TSHR: variants seen among roughly 807,000 people sequenced by gnomAD.
TSHR encodes thyroid stimulating hormone receptor.
Under a neutral mutation model 64.1 loss-of-function variants are expected in TSHR, and 51 were observed. The ratio of observed to expected loss-of-function variants is 0.80; its 90% CI spans 0.64 to 1.01. The LOEUF (loss-of-function observed/expected upper bound fraction) is 1.01, where lower values mean the gene tolerates loss of function less well. Among genes scored for constraint, TSHR ranks in the 50% least tolerant of loss-of-function variants. The pLI, the probability that TSHR is intolerant of heterozygous loss-of-function variation, is 0.00. For missense variants in TSHR, 877 were observed against 942.8 expected, an observed-to-expected ratio of 0.93 and a Z score of 0.91; for synonymous variants, 361 against 361.9, an observed-to-expected ratio of 1.00 and a Z score of 0.03.
intron 1 of TSHR, among the ~76,000 whole-genome samples, chr14:80,990,502 G>A (rs1830233287): frequency 1.3e-5 from 2 of 152,196 alleles, no homozygotes; most frequent in Admixed American, 6.5e-5. Flanking sequence ...GAGTGGAAGA[G>A]GATGCAAATA....
At chr14:81,067,483 T>TTTTATATATATATATA (rs1555376189) in intron 2 of TSHR, among the ~76,000 whole-genome samples, 9 of 134,976 alleles carry the variant, frequency 6.7e-5, no homozygotes, top group African/African-American at 2.6e-4. Context: ...GTTTATAGTT[T>TTTTATATATATATATA]TATATATATA....
intron 1 of TSHR, among the ~76,000 whole-genome samples, chr14:81,034,139 C>T (rs1434839754): frequency 6.6e-6 from 1 of 152,160 alleles, no homozygotes; most frequent in Admixed American, 6.5e-5. Flanking sequence ...GACCTGCTGC[C>T]TTATACTTTA....
chr14:81,084,346 C>T (rs1888127685), intron 3 of TSHR, among the ~76,000 whole-genome samples: 1 of 150,406 alleles, frequency 6.6e-6, no homozygotes, highest in African/African-American at 2.5e-5. Context: ...TTTTTGCATC[C>T]TCTTTATTAC....
intron 1 of TSHR, chr14:80,982,033 A>G (rs1566747492): frequency 9.5e-6 from 4 of 422,140 alleles, no homozygotes; most frequent in East Asian, 9.9e-5. Flanking sequence ...CAAAGCGGAA[A>G]AGAGTCTGCT....
chr14:80,986,738 T>C (rs1419162269), intron 1 of TSHR, among the ~76,000 whole-genome samples: 1 of 152,214 alleles, frequency 6.6e-6, no homozygotes, highest in Non-Finnish European at 1.5e-5. Context: ...CTGCCCGCCT[T>C]GGCGTCCCAA....
intron 1 of TSHR, chr14:80,982,782 C>T: frequency 3.5e-6 from 2 of 578,354 alleles, no homozygotes; most frequent in Non-Finnish European, 3.0e-6. Context: ...CAACAGCCTG[C>T]CCTTGTAGGA....
At chr14:81,108,907 G>C in intron 8 of TSHR, 1 of 1,413,746 alleles carries the variant, frequency 7.1e-7, no homozygotes, top group Non-Finnish European at 9.2e-7. Context: ...ACAATCATGG[G>C]GAAAGATGGA....
intron 7 of TSHR, among the ~76,000 whole-genome samples, chr14:81,106,694 C>T (rs1889914871): frequency 6.6e-6 from 1 of 152,024 alleles, no homozygotes; most frequent in Admixed American, 6.6e-5. Flanking sequence ...CCTGTAATCC[C>T]AGCACTTTGG....
At chr14:81,133,889 C>T (rs1891348243) in intron 8 of TSHR, among the ~76,000 whole-genome samples, 1 of 152,256 alleles carries the variant, frequency 6.6e-6, no homozygotes, top group East Asian at 1.9e-4. Context: ...CATTTCATCC[C>T]TATCACTATA....
chr14:81,139,577 C>G (rs1400804172), intron 8 of TSHR, 102 bp from the exon 9 acceptor site: 2 of 1,192,524 alleles, frequency 1.7e-6, no homozygotes, highest in Admixed American at 3.5e-5. Flanking sequence ...AGGAGCATAT[C>G]ATCTCCCAAT....
At chr14:81,067,262 G>A (rs761907785) in intron 2 of TSHR, among the ~76,000 whole-genome samples, 4 of 151,686 alleles carry the variant, frequency 2.6e-5, no homozygotes, top group African/African-American at 4.8e-5. Context: ...CTTTTCTGAT[G>A]CTCATGTTTT....
intron 1 of TSHR, chr14:80,982,866 G>T: frequency 2.0e-6 from 1 of 506,456 alleles, no homozygotes. Context: ...CCATAGATGA[G>T]ATTAGACACC....
intron 9 of TSHR, 69 bp downstream of exon 9, chr14:81,139,936 G>A: frequency 6.3e-7 from 1 of 1,580,320 alleles, no homozygotes; most frequent in Non-Finnish European, 8.6e-7. Flanking sequence ...TCTTGGTTTT[G>A]GGGAAGATGC....
chr14:80,982,353 GT>G, intron 1 of TSHR: 1 of 1,235,010 alleles, frequency 8.1e-7, no homozygotes, highest in Non-Finnish European at 1.1e-6. Flanking sequence ...TCAATTCCTG[GT>G]TCTGAAATGG....
chr14:80,983,005 C>A, intron 1 of TSHR: 2 of 535,822 alleles, frequency 3.7e-6, no homozygotes, highest in South Asian at 6.4e-5. Flanking sequence ...TCCTCTTGTT[C>A]ATAAAAGAGC....
At chr14:81,105,986 C>T (rs1889867917) in intron 7 of TSHR, among the ~76,000 whole-genome samples, 1 of 151,940 alleles carries the variant, frequency 6.6e-6, no homozygotes, top group African/African-American at 2.4e-5. Flanking sequence ...ATTTTGCCCA[C>T]TCTGGGTGTC....
chr14:81,019,551 C>T (rs4403990), intron 1 of TSHR, among the ~76,000 whole-genome samples: 1,764 of 146,232 alleles, frequency 0.012, 21 homozygotes, highest in African/African-American at 0.016. Flanking sequence ...TGGCTGTTTG[C>T]TGCACCCATC....
At chr14:80,986,085 A>G (rs749075715) in intron 1 of TSHR, among the ~76,000 whole-genome samples, 3 of 152,156 alleles carry the variant, frequency 2.0e-5, no homozygotes, top group Non-Finnish European at 4.4e-5. Flanking sequence ...CAGTTCTTTC[A>G]TAATATCTGG....
At chr14:81,100,750 G>A (rs1455270649) in intron 7 of TSHR, among the ~76,000 whole-genome samples, 1 of 152,222 alleles carries the variant, frequency 6.6e-6, no homozygotes, top group Non-Finnish European at 1.5e-5. Context: ...GATGCATAGG[G>A]TGAGAGGTAG....
Sources: gnomAD v4.1 joint callset for allele counts (sites outside exome capture counted in the v4.1 genomes callset) on GRCh38, gnomAD v4.1.1 for gene constraint, MANE v1.5 for transcripts, NCBI Gene and HGNC (gene_info 2026-07-23, HGNC 2026-07-21) for gene names.